JAK3: variants seen among roughly 807,000 people sequenced by gnomAD.
JAK3 encodes the protein tyrosine-protein kinase JAK3.
JAK3 carries 88 observed loss-of-function variants against 120.8 expected under a neutral mutation model. The observed-to-expected ratio is 0.73, with a 90% CI of 0.61 to 0.87. JAK3 has a LOEUF of 0.87. JAK3 is among the 40% of genes least tolerant of loss of function. JAK3 has a pLI of 0.00. For missense variants in JAK3, 1,254 were observed against 1,501.4 expected, an observed-to-expected ratio of 0.84 and a Z score of 2.72; for synonymous variants, 592 against 628.6, an observed-to-expected ratio of 0.94 and a Z score of 0.87.
Position 17,843,049 on chromosome 19 carries a change from C to T in JAK3, c.544G>A (p.Gly182Arg), listed in dbSNP as rs777195283. ...CACCTGACAGTCTTCAGCAGCTCTCCCGGCCGCTGGGCCTGCTCTCGCGCC... is the reference window on the plus strand; with the variant it reads ...CACCTGACAGTCTTCAGCAGCTCTCTCGGCCGCTGGGCCTGCTCTCGCGCC... ...RMAREQAQRPGELLKTVSYKA... is the reference protein window; with the variant it reads ...RMAREQAQRPRELLKTVSYKA... Residue 182 changes from glycine to arginine, a missense_variant, in exon 5 of 24, where the codon GGA becomes AGA. Coordinates refer to ENST00000458235, the MANE Select transcript of JAK3 (RefSeq NM_000215.4). This position sits in a 1 kb window ranked among gnomAD's most constrained non-coding sequence, Gnocchi z 5.4. The T allele has an allele frequency of 6.2e-7, 1 of 1,610,810 alleles. No homozygotes were observed. Among genetic ancestry groups the T allele is most frequent in the South Asian group, 1.1e-5 (1 of 91,080 alleles).
chr19:17,842,830 T>C lies in JAK3; in HGVS notation c.566+197A>G. The C allele has an allele frequency of 1.1e-6, 1 of 880,350 alleles. No homozygotes were observed. The highest frequency in any genetic ancestry group is 1.6e-5 in the South Asian group (1 of 62,994). The allele number at this position is 880,350 out of a possible 1,614,324, so 54.5% of individuals were successfully genotyped here. On this transcript the variant is annotated intron_variant, in intron 5 of 23. Coordinates refer to ENST00000458235, the MANE Select transcript of JAK3 (RefSeq NM_000215.4). This position sits in a 1 kb window ranked among gnomAD's most constrained non-coding sequence, Gnocchi z 6.4. ...GTCGGACAGGGACCCCACAGGCCTT[T>C]TAGCTGGGGGAGGTCAGGTGTCTGT...
rs1472878978 is a variant in JAK3 at position 17,843,671 on chromosome 19, G to T, written c.308+106C>A. Reference sequence around the variant, plus strand: ...CTCTCTGGTCTGTTTCCTCATCTGAGAAATGGGTAGTGACCATACCTCCCT... The same window carrying T: ...CTCTCTGGTCTGTTTCCTCATCTGATAAATGGGTAGTGACCATACCTCCCT... On this transcript the variant is annotated intron_variant, in intron 3 of 23. Transcript: ENST00000458235. This position sits in a 1 kb window ranked among gnomAD's most constrained non-coding sequence, Gnocchi z 5.4. 5.6e-6 allele frequency: 8 copies of T among 1,434,672 alleles called. No individual in the cohort carries two copies. The highest frequency in any genetic ancestry group is 6.9e-6 in the Non-Finnish European group (7 of 1,018,354). 88.9% of individuals were successfully genotyped at this position (1,434,672 alleles called of 1,614,324 possible). A position where few individuals can be genotyped will look rare whatever the true frequency, so the allele number is the denominator to read the frequency against.
Position 17,843,394 on chromosome 19 carries a change from G to C in JAK3, c.406C>G (p.His136Asp). Residue 136 changes from histidine (H) to aspartate (D), a missense_variant, in exon 4 of 24, where the codon CAC (histidine) becomes GAC (aspartate). This residue lies in a region of JAK3 where 138 missense variants were observed against 178.7 expected (regional missense o/e 0.77). Coordinates refer to ENST00000458235, the MANE Select transcript of JAK3 (RefSeq NM_000215.4). This position sits in a 1 kb window ranked among gnomAD's most constrained non-coding sequence, Gnocchi z 5.4. ...SAILDLPVLE[H>D]LFAQHRSDLV... ...CAGAACCCCACCTGGGCAAAGAGGT[G>C]CTCCAGGACTGGCAGGTCAAGGATA... 1 of 1,596,094 alleles carries C rather than the reference G, an allele frequency of 6.3e-7. No individual in the cohort carries two copies. Among genetic ancestry groups the C allele is most frequent in the Non-Finnish European group, 8.5e-7 (1 of 1,170,950 alleles).
Position 17,842,674 on chromosome 19 carries a change from C to T in JAK3, c.567-64G>A, listed in dbSNP as rs1005595299. 6.9e-5 allele frequency: 101 copies of T among 1,454,444 alleles called. No homozygotes were observed. Among genetic ancestry groups the T allele is most frequent in the Admixed American group, 2.2e-4 (9 of 41,692 alleles). The allele number at this position is 1,454,444 out of a possible 1,614,324, so 90.1% of individuals were successfully genotyped here. ...CGGGAGGGGTCCCCGCGGGGACACA[C>T]ACAAACCCAGGCTTTAGCCCAGGGG... On this transcript the variant is annotated intron_variant, in intron 5 of 23. Coordinates refer to ENST00000458235, the MANE Select transcript of JAK3 (RefSeq NM_000215.4). The surrounding 1 kb of genome is among the most constrained non-coding windows in gnomAD (Gnocchi z 6.4).
chr19:17,846,372 A>G (rs982117285), intron 1 of JAK3, among the ~76,000 whole-genome samples: 3 of 152,158 alleles, frequency 2.0e-5, no homozygotes, highest in African/African-American at 7.2e-5. Flanking sequence ...TGGGAAGGGA[A>G]GTCTTGTGGG....
intron 10 of JAK3, among the ~76,000 whole-genome samples, chr19:17,838,789 CA>C (rs2094230710): frequency 7.0e-6 from 1 of 143,458 alleles, no homozygotes; most frequent in Non-Finnish European, 1.5e-5. Context: ...GATCTCGGCT[CA>C]CTGCAACCTC....
At chr19:17,833,067 A>G in intron 17 of JAK3, 138 bp from the exon 18 acceptor site, 1 of 1,463,838 alleles carries the variant, frequency 6.8e-7, no homozygotes, top group Non-Finnish European at 9.1e-7. Flanking sequence ...GCCAAAGGGT[A>G]CCTTGTGGAG....
At chr19:17,830,859 CGGGGCCAGAGCCGTGGGAGGGGGA>C (rs2094212736) in intron 21 of JAK3, among the ~76,000 whole-genome samples, 1 of 37,838 alleles carries the variant, frequency 2.6e-5, no homozygotes, top group Non-Finnish European at 4.7e-5. Context: ...GAGATGGGGG[CGGGGCCAGAGCCGTGGGAGGGGGA>C]GGGGCCAGAA....
chr19:17,837,004 G>A (rs758734990), intron 13 of JAK3, 125 bp downstream of exon 13: 138 of 720,768 alleles, frequency 1.9e-4, no homozygotes, highest in Middle Eastern at 3.6e-4. Context: ...TAATGAACAC[G>A]GCTCCCATCC....
chr19:17,837,899 C>T (rs572429029), intron 12 of JAK3, 33 bp downstream of exon 12: 10 of 1,613,564 alleles, frequency 6.2e-6, no homozygotes, highest in African/African-American at 2.7e-5. Context: ...CAGCCAGCCC[C>T]GACTCCAAAA....
Position 17,840,300 on chromosome 19 carries a change from C to A in JAK3, c.1184G>T (p.Arg395Leu), listed in dbSNP as rs143038064. The A allele has an allele frequency of 6.2e-7, 1 of 1,613,940 alleles. No individual in the cohort carries two copies. The highest frequency in any genetic ancestry group is 1.1e-5 in the South Asian group (1 of 91,066). Residue 395 changes from arginine (R) to leucine (L), a missense_variant, in exon 9 of 24, where the codon CGT (arginine) becomes CTT (leucine). By Grantham distance (102) the Arg-to-Leu change is moderately radical. Coordinates refer to ENST00000458235, the MANE Select transcript of JAK3 (RefSeq NM_000215.4). ...AINKLKTGGS[R>L]PGSYVLRRSP... ...GCGGCGGAGAACATAGGAGCCAGGACGTGAGCCCCCAGTCTTGAGCTTGTT... is the reference window on the plus strand; with the variant it reads ...GCGGCGGAGAACATAGGAGCCAGGAAGTGAGCCCCCAGTCTTGAGCTTGTT...
chr19:17,830,364 C>G lies in JAK3; in HGVS notation c.3096+139G>C, dbSNP rs2302601. 0.31 allele frequency: 281,751 copies of G among 899,028 alleles called. 46,208 individuals are homozygous for G. The highest frequency in any genetic ancestry group is 0.44 in the Admixed American group (21,237 of 48,736). 55.7% of individuals were successfully genotyped at this position (899,028 alleles called of 1,614,324 possible). ...TGAAGGGGTCAGAAAGGTGAGGAAG[C>G]GTCCTCCCCACTGGGGCCTATGATG... On this transcript the variant is annotated intron_variant, in intron 22 of 23. Coordinates refer to ENST00000458235, the MANE Select transcript of JAK3 (RefSeq NM_000215.4).
At chr19:17,845,830 T>C (rs1335299456) in intron 1 of JAK3, among the ~76,000 whole-genome samples, 1 of 152,064 alleles carries the variant, frequency 6.6e-6, no homozygotes, top group Non-Finnish European at 1.5e-5. Context: ...GAGGGTTTTT[T>C]TGTTTTTGTT....
At chr19:17,837,438 CAG>C (rs1361622950) in intron 12 of JAK3, among the ~76,000 whole-genome samples, 1 of 151,928 alleles carries the variant, frequency 6.6e-6, no homozygotes, top group Non-Finnish European at 1.5e-5. Flanking sequence ...GTTTTTGAGA[CAG>C]AGTCTCCCTC....
At chr19:17,828,464 A>T (rs925091801) in intron 23 of JAK3, among the ~76,000 whole-genome samples, 1 of 149,650 alleles carries the variant, frequency 6.7e-6, no homozygotes. Flanking sequence ...TATGTTGCCC[A>T]GGCTGGTCTT....
At chr19:17,827,237 C>A (rs1260793477) in intron 23 of JAK3, among the ~76,000 whole-genome samples, 2 of 151,984 alleles carry the variant, frequency 1.3e-5, no homozygotes, top group African/African-American at 4.8e-5. Flanking sequence ...TCTTGGCCTC[C>A]CAAAGTGCTG....
In JAK3 at chr19:17,841,508, G is replaced by A. The variant is rs140073972; in HGVS notation, c.1023C>T (p.Phe341=). 5.1e-6 allele frequency: 8 copies of A among 1,578,438 alleles called. No homozygotes were observed. Among genetic ancestry groups the A allele is most frequent in the East Asian group, 2.3e-5 (1 of 42,914 alleles). Residue 341 remains phenylalanine, a synonymous_variant, in exon 8 of 24, where the codon TTC becomes TTT. Coordinates refer to ENST00000458235, the MANE Select transcript of JAK3 (RefSeq NM_000215.4). This position sits in a 1 kb window ranked among gnomAD's most constrained non-coding sequence, Gnocchi z 4.1. Reference sequence around the variant, plus strand: ...GGAAGTAGCCGTCCACGAGCGCCACGAACGACAGAGCCTCGGGCAGCCCTG... The same window carrying A: ...GGAAGTAGCCGTCCACGAGCGCCACAAACGACAGAGCCTCGGGCAGCCCTG... ...EFPGLPEALS[F]VALVDGYFRL...
chr19:17,847,607 A>G (rs1437803665), intron 1 of JAK3, among the ~76,000 whole-genome samples: 1 of 152,112 alleles, frequency 6.6e-6, no homozygotes, highest in Non-Finnish European at 1.5e-5. Flanking sequence ...TGGACCGGGA[A>G]GGCCTGGAGG....
In JAK3 at chr19:17,832,510, C is replaced by G. The variant is rs935414486; in HGVS notation, c.2680+9G>C. 5.6e-6 allele frequency: 9 copies of G among 1,613,842 alleles called. No individual in the cohort carries two copies. Among genetic ancestry groups the G allele is most frequent in the Middle Eastern group, 1.6e-4 (1 of 6,084 alleles). On this transcript the variant is annotated intron_variant, in intron 19 of 23. Transcript: ENST00000458235. This position sits in a 1 kb window ranked among gnomAD's most constrained non-coding sequence, Gnocchi z 4.7. ...ACGTCTTGGTTCACTCATCCGGGAG[C>G]TGGCTCACCCGGGCCATAGCTGACA... is the stretch of plus-strand genomic sequence containing the variant.
Sources: allele counts gnomAD v4.1 joint callset (sites outside exome capture counted in the v4.1 genomes callset), GRCh38; gene constraint gnomAD v4.1.1; regional missense constraint gnomAD v4.1.1; non-coding constraint Gnocchi (gnomAD v3.1); transcripts MANE v1.5; gene names NCBI Gene and HGNC (gene_info 2026-07-23, HGNC 2026-07-21).